Variants in PALM2AKAP2 observed in about 807,000 individuals in gnomAD.
The protein encoded by PALM2AKAP2 is PALM2-AKAP2 fusion protein.
In PALM2AKAP2, 37 loss-of-function variants were observed where a neutral mutation model predicts 71.5. The observed-to-expected ratio is 0.52, with a 90% confidence interval of 0.40 to 0.68. PALM2AKAP2 has a LOEUF of 0.68. Ranked by LOEUF, PALM2AKAP2 falls within the 30% of genes least tolerant of loss-of-function variation. The probability of loss-of-function intolerance (pLI) is 0.00; values close to 1 mark genes in which losing one functional copy is unlikely to be tolerated. For synonymous variants in PALM2AKAP2, 468 were observed against 478.8 expected (o/e 0.98, Z 0.29); for missense variants, 1,224 against 1,191.8 (o/e 1.03, Z -0.40).
chr9:109,993,431 T>C (rs561013479), intron 6 of PALM2AKAP2, among the ~76,000 whole-genome samples: 8 of 152,304 alleles, frequency 5.3e-5, no homozygotes, highest in East Asian at 1.9e-4. Flanking sequence ...CTGGCTCTCA[T>C]TGGGCCAACT....
At chr9:109,937,147 G>T (rs919390540) in intron 6 of PALM2AKAP2, among the ~76,000 whole-genome samples, 1 of 151,436 alleles carries the variant, frequency 6.6e-6, no homozygotes, top group Non-Finnish European at 1.5e-5. Context: ...TAGAGCCAGG[G>T]GGATAAGTCT....
intron 1 of PALM2AKAP2, among the ~76,000 whole-genome samples, chr9:110,109,414 G>A (rs923119388): frequency 6.6e-6 from 1 of 151,496 alleles, no homozygotes; most frequent in African/African-American, 2.4e-5. Context: ...TCATGTTTCG[G>A]AGGTCATGTT....
At chr9:109,662,322 T>A (rs983744721) in intron 1 of PALM2AKAP2, among the ~76,000 whole-genome samples, 1 of 152,214 alleles carries the variant, frequency 6.6e-6, no homozygotes, top group Non-Finnish European at 1.5e-5. Context: ...ATAGCTCTTA[T>A]TATTTTGAAA....
chr9:109,847,252 T>G (rs985523600), intron 1 of PALM2AKAP2, among the ~76,000 whole-genome samples: 6 of 152,024 alleles, frequency 3.9e-5, no homozygotes, highest in African/African-American at 1.2e-4. Flanking sequence ...ATCTGACAGA[T>G]AGAAGGGGAG....
At chr9:109,982,603 C>T (rs1832297080) in intron 6 of PALM2AKAP2, among the ~76,000 whole-genome samples, 1 of 151,980 alleles carries the variant, frequency 6.6e-6, no homozygotes, top group Non-Finnish European at 1.5e-5. Flanking sequence ...TACAGTGTAC[C>T]CACAAAAATT....
At chr9:110,015,816 G>A in intron 6 of PALM2AKAP2, 138 bp from the exon 7 acceptor site, 1 of 756,434 alleles carries the variant, frequency 1.3e-6, no homozygotes, top group Non-Finnish European at 2.2e-6. Context: ...CCCAGTAACT[G>A]CAAGATAGGT....
intron 3 of PALM2AKAP2, among the ~76,000 whole-genome samples, chr9:109,894,964 C>G (rs1329574484): frequency 6.6e-6 from 1 of 152,088 alleles, no homozygotes; most frequent in East Asian, 1.9e-4. Flanking sequence ...CAAGATTTAC[C>G]TTTGAATCTA....
chr9:109,761,057 C>A lies in PALM2AKAP2; in HGVS notation c.6-19431C>A, dbSNP rs138229737. On this transcript the variant is annotated intron_variant, in intron 1 of 6. Coordinates refer to the PALM2AKAP2 transcript ENST00000374531. ...TCATTAAGGACCACTCCAGAGGTAA[C>A]CTTCAGCTAATCATTTCTTATGTTC... Among the ~76,000 whole-genome samples the A allele has an allele frequency of 3.3e-5, 5 of 152,272 alleles. No individual in the cohort carries two copies. The East Asian group carries it at 5.8e-4, about 18-fold the overall frequency.
At chr9:109,766,428 A>G (rs1050812716) in intron 1 of PALM2AKAP2, among the ~76,000 whole-genome samples, 9 of 152,220 alleles carry the variant, frequency 5.9e-5, no homozygotes, top group African/African-American at 2.2e-4. Context: ...ACTGACAGGC[A>G]TAGGCTATTA....
intron 1 of PALM2AKAP2, among the ~76,000 whole-genome samples, chr9:109,794,404 A>ATTTTTT (rs57551115): frequency 7.0e-6 from 1 of 143,766 alleles, no homozygotes. Flanking sequence ...TTCCAGGTGT[A>ATTTTTT]TTTTTTTTTT....
intron 1 of PALM2AKAP2, among the ~76,000 whole-genome samples, chr9:109,819,580 C>G (rs1270299395): frequency 6.6e-6 from 1 of 151,968 alleles, no homozygotes; most frequent in African/African-American, 2.4e-5. Context: ...AGTGGCCCCC[C>G]AGAAGCACAG....
chr9:110,009,605 C>T (rs143228849), intron 6 of PALM2AKAP2, among the ~76,000 whole-genome samples: 1,550 of 151,500 alleles, frequency 0.01, 26 homozygotes, highest in African/African-American at 0.036. Flanking sequence ...TCCCAACTAC[C>T]CCAGAGGCTG....
chr9:109,785,599 C>T (rs58072731), intron 1 of PALM2AKAP2, among the ~76,000 whole-genome samples: 7,208 of 152,238 alleles, frequency 0.047, 590 homozygotes, highest in African/African-American at 0.16. Flanking sequence ...AGGCACATCT[C>T]ACATGGCAAC....
intron 1 of PALM2AKAP2, among the ~76,000 whole-genome samples, chr9:109,658,708 G>A (rs180683922): frequency 9.7e-4 from 148 of 152,284 alleles, no homozygotes; most frequent in Admixed American, 2.0e-3. Flanking sequence ...AAGCAAGAGG[G>A]AGAATTAGAG....
intron 1 of PALM2AKAP2, among the ~76,000 whole-genome samples, chr9:109,803,111 A>G (rs1466462838): frequency 2.6e-5 from 4 of 152,232 alleles, no homozygotes; most frequent in South Asian, 2.1e-4. Flanking sequence ...GGGAAAAAAA[A>G]AGAAACACTA....
At chr9:109,911,368 A>G (rs1564206570) in intron 3 of PALM2AKAP2, among the ~76,000 whole-genome samples, 1 of 152,248 alleles carries the variant, frequency 6.6e-6, no homozygotes, top group Non-Finnish European at 1.5e-5. Flanking sequence ...CCACTTGCAC[A>G]GATTCTGATA....
intron 6 of PALM2AKAP2, among the ~76,000 whole-genome samples, chr9:110,000,077 T>C (rs1170917815): frequency 6.6e-6 from 1 of 152,032 alleles, no homozygotes; most frequent in Non-Finnish European, 1.5e-5. Flanking sequence ...TTGTTACATA[T>C]ATATACATGT....
intron 1 of PALM2AKAP2, among the ~76,000 whole-genome samples, chr9:110,126,565 T>C (rs529239258): frequency 1.3e-5 from 2 of 152,306 alleles, no homozygotes; most frequent in Non-Finnish European, 2.9e-5. Flanking sequence ...GGCTCCTTGA[T>C]AGGGCGCTCA....
chr9:110,116,723 A>G (rs982234573), intron 1 of PALM2AKAP2, among the ~76,000 whole-genome samples: 6 of 152,220 alleles, frequency 3.9e-5, no homozygotes, highest in African/African-American at 1.4e-4. Flanking sequence ...GAAAATGTCT[A>G]TGTATAGCAG....
Sources: allele counts gnomAD v4.1 joint callset (sites outside exome capture counted in the v4.1 genomes callset), GRCh38; gene constraint gnomAD v4.1.1; transcripts MANE v1.5; gene names NCBI Gene and HGNC (gene_info 2026-07-23, HGNC 2026-07-21).